The following ZNF410 variants were observed in gnomAD, a reference collection of about 807,000 sequenced individuals.
ZNF410 encodes another partner for ARF 1.
In ZNF410, 18 loss-of-function variants were observed where a neutral mutation model predicts 54.8. That is an observed-to-expected ratio of 0.33 (90% confidence interval 0.23 to 0.49). The LOEUF is 0.49. Among genes scored for constraint, ZNF410 ranks in the 20% least tolerant of loss-of-function variants. The probability of loss-of-function intolerance (pLI) is 0.99; values close to 1 mark genes in which losing one functional copy is unlikely to be tolerated. For synonymous variants in ZNF410, 191 were observed against 207.3 expected, an observed-to-expected ratio of 0.92 and a Z score of 0.68; for missense variants, 405 against 569.6, an observed-to-expected ratio of 0.71 and a Z score of 2.94.
intron 2 of ZNF410, 78 bp downstream of exon 2, chr14:73,892,286 A>C: frequency 6.9e-7 from 1 of 1,457,386 alleles, no homozygotes; most frequent in Non-Finnish European, 9.4e-7. Flanking sequence ...GGGGTCAGCA[A>C]ACTTTTTCTT....
rs2055312261 is a variant in ZNF410 at position 73,896,058 on chromosome 14, T to G, written c.170-258T>G. On this transcript the variant is annotated intron_variant, in intron 3 of 11. Coordinates refer to ENST00000555044, the MANE Select transcript of ZNF410 (RefSeq NM_021188.3). Reference sequence around the variant, plus strand: ...AGGACTAAATTCTGTGATGTCCAAATGTTGAATGGTTGGTTATTCACCAAC... The same window carrying G: ...AGGACTAAATTCTGTGATGTCCAAAGGTTGAATGGTTGGTTATTCACCAAC... 4 of 462,414 alleles carry G rather than the reference T, an allele frequency of 8.7e-6. No homozygotes were observed. The South Asian group carries it at 1.2e-4, about 14-fold the overall frequency. The allele number at this position is 462,414 out of a possible 1,614,324, so 28.6% of individuals were successfully genotyped here. A position where few individuals can be genotyped will look rare whatever the true frequency, so the allele number is the denominator to read the frequency against.
At chr14:73,931,372 T>TG in intron 11 of ZNF410, 131 bp from the exon 12 acceptor site, 1 of 720,912 alleles carries the variant, frequency 1.4e-6, no homozygotes, top group Non-Finnish European at 2.3e-6. Flanking sequence ...GTGTTTGCTT[T>TG]GGAAGTAGAT....
chr14:73,889,309 G>C (rs1828904504), intron 1 of ZNF410, among the ~76,000 whole-genome samples: 1 of 151,584 alleles, frequency 6.6e-6, no homozygotes, highest in Admixed American at 6.6e-5. Context: ...TAGTAGCTAG[G>C]ACCACAGGCA....
At chr14:73,900,413 C>T (rs544492281) in intron 5 of ZNF410, among the ~76,000 whole-genome samples, 53 of 146,428 alleles carry the variant, frequency 3.6e-4, no homozygotes, top group Middle Eastern at 7.1e-3. Context: ...CTCAGTCTGT[C>T]GCCCAGGCTG....
intron 1 of ZNF410, among the ~76,000 whole-genome samples, chr14:73,889,944 A>G (rs1397986048): frequency 6.7e-6 from 1 of 150,136 alleles, no homozygotes; most frequent in Non-Finnish European, 1.5e-5. Flanking sequence ...CTGCAGGCAC[A>G]TGCCACCACA....
At chr14:73,931,407 A>G (rs1470140734) in intron 11 of ZNF410, 96 bp from the exon 12 acceptor site, 1 of 1,074,236 alleles carries the variant, frequency 9.3e-7, no homozygotes, top group African/African-American at 1.6e-5. Flanking sequence ...CCTGTAGTGC[A>G]TTCTCCATCC....
chr14:73,914,327 C>G (rs1433087323), intron 8 of ZNF410: 1 of 152,416 alleles, frequency 6.6e-6, no homozygotes, highest in Non-Finnish European at 1.5e-5. Flanking sequence ...GCATACACCA[C>G]CACACCCAGC....
At chr14:73,899,271 CT>C (rs1368723322) in intron 5 of ZNF410, among the ~76,000 whole-genome samples, 3 of 145,534 alleles carry the variant, frequency 2.1e-5, no homozygotes, top group South Asian at 2.2e-4. Context: ...TTTTTTTGGT[CT>C]TTTTTTTTCC....
At chr14:73,916,471 G>GT (rs1471810999) in intron 8 of ZNF410, 6 of 152,258 alleles carry the variant, frequency 3.9e-5, no homozygotes, top group Admixed American at 2.6e-4. Context: ...ACGAGCCACC[G>GT]TGCCTGGCCT....
chr14:73,896,119 C>G (rs865905559), intron 3 of ZNF410, 197 bp from the exon 4 acceptor site: 6 of 565,522 alleles, frequency 1.1e-5, no homozygotes, highest in South Asian at 2.3e-5. Context: ...CTGTTCCTCA[C>G]GTTTTGGCTG....
Position 73,896,334 on chromosome 14 carries a change from C to G in ZNF410, c.188C>G (p.Ser63Cys), listed in dbSNP as rs2055316736. 6.2e-7 allele frequency: 1 copy of G among 1,614,070 alleles called. No individual in the cohort carries two copies. The highest frequency in any genetic ancestry group is 2.2e-5 in the East Asian group (1 of 44,874). Residue 63 changes from serine to cysteine, a missense_variant, in exon 4 of 12, where the codon TCT (serine) becomes TGT (cysteine). By Grantham distance (112) the Ser-to-Cys change is moderately radical (BLOSUM62 -1). Coordinates refer to ENST00000555044, the MANE Select transcript of ZNF410 (RefSeq NM_021188.3). ...TTACTAGATGATACTACAAATCATT[C>G]TAACTCCTCCAAGGAGGTCCCTTCC... ...LMLPDDTTNH[S>C]NSSKEVPSSA...
rs1307779589 is a variant in ZNF410, at chr14:73,907,952, T to C, written c.914-1389T>C. 4.6e-5 allele frequency among the ~76,000 whole-genome samples: 7 copies of C among 152,248 alleles called. No individual in the cohort carries two copies. The East Asian group carries it at 1.3e-3, about 29-fold the overall frequency. On this transcript the variant is annotated intron_variant, in intron 7 of 11. Coordinates refer to ENST00000555044, the MANE Select transcript of ZNF410 (RefSeq NM_021188.3). ...AGTGGCTTACTATGAGGGCTTACTA[T>C]GTGCCAGGCACTATGCTGAATATTT...
Position 73,931,622 on chromosome 14 carries a change from A to G in ZNF410, c.*81A>G. The G allele has an allele frequency of 2.3e-6, 3 of 1,297,810 alleles. No individual in the cohort carries two copies. The highest frequency in any genetic ancestry group is 2.3e-5 in the East Asian group (1 of 43,030). The allele number at this position is 1,297,810 out of a possible 1,614,324, so 80.4% of individuals were successfully genotyped here. ...TGGGAACAGGATGCCTTAGCCCACA[A>G]CAGAACCAGAATGAATCTTTGAAGG... On this transcript the variant is annotated 3_prime_UTR_variant, in exon 12 of 12. Coordinates refer to ENST00000555044, the MANE Select transcript of ZNF410 (RefSeq NM_021188.3).
intron 8 of ZNF410, among the ~76,000 whole-genome samples, chr14:73,918,473 C>CTATA (rs1315651371): frequency 1.3e-5 from 2 of 151,898 alleles, no homozygotes; most frequent in African/African-American, 4.8e-5. Context: ...GGATGGCCAA[C>CTATA]TATATATTCA....
chr14:73,909,399 T>C lies in ZNF410; in HGVS notation c.972T>C (p.Ser324=). ...QGCGRSFAEY[S]SLRKHLVVHS... is the part of the protein sequence containing the mutation. ...GTGGCCGTTCCTTTGCTGAGTATTC[T>C]AGCCTCCGAAAACATCTGGTGGTTC... The change falls in exon 8 of 12, where the codon TCT becomes TCC. Residue 324 remains serine (S), a synonymous_variant. Coordinates refer to ENST00000555044, the MANE Select transcript of ZNF410 (RefSeq NM_021188.3). The C allele has an allele frequency of 1.2e-6, 2 of 1,614,150 alleles. No homozygotes were observed. The highest frequency in any genetic ancestry group is 8.5e-7 in the Non-Finnish European group (1 of 1,179,992).
intron 10 of ZNF410, among the ~76,000 whole-genome samples, chr14:73,923,098 C>T (rs1319235609): frequency 6.6e-6 from 1 of 152,126 alleles, no homozygotes; most frequent in African/African-American, 2.4e-5. Flanking sequence ...CTTTGGTTCC[C>T]TTACCTGCTT....
chr14:73,890,780 C>T (rs1043525409), intron 1 of ZNF410, among the ~76,000 whole-genome samples: 14 of 152,104 alleles, frequency 9.2e-5, no homozygotes, highest in Non-Finnish European at 1.6e-4. Context: ...TGGGAGGCCA[C>T]GGCAGGCGGA....
chr14:73,895,592 T>C (rs563253360), intron 3 of ZNF410, among the ~76,000 whole-genome samples: 9 of 152,264 alleles, frequency 5.9e-5, no homozygotes, highest in Non-Finnish European at 8.8e-5. Flanking sequence ...GTTTTAATTT[T>C]GATTTAAAGT....
chr14:73,925,490 C>A (rs897120716), intron 11 of ZNF410, among the ~76,000 whole-genome samples: 4 of 151,276 alleles, frequency 2.6e-5, no homozygotes, highest in South Asian at 2.1e-4. Flanking sequence ...TGCAGTGGTG[C>A]GATCTCAGCT....
Sources: allele counts gnomAD v4.1 joint callset (sites outside exome capture counted in the v4.1 genomes callset), GRCh38; gene constraint gnomAD v4.1.1; transcripts MANE v1.5; gene names NCBI Gene and HGNC (gene_info 2026-07-23, HGNC 2026-07-21).